The following GLIPR1L1 variants were observed in gnomAD, a reference collection of about 807,000 sequenced individuals.
GLIPR1L1 encodes the protein GLIPR1 like 1.
A neutral mutation model predicts 29.9 loss-of-function variants in GLIPR1L1; 26 were observed. That is an observed-to-expected ratio of 0.87 (90% CI 0.64 to 1.21). GLIPR1L1 has a LOEUF of 1.21. Among genes scored for constraint, GLIPR1L1 ranks in the 50% most tolerant of loss-of-function variants. The probability of loss-of-function intolerance (pLI) is 0.00; values close to 1 mark genes in which losing one functional copy is unlikely to be tolerated. For synonymous variants in GLIPR1L1, 77 were observed against 97.5 expected (o/e 0.79, Z 1.24); for missense variants, 305 against 290.3 (o/e 1.05, Z -0.37).
At chr12:75,369,422 A>C in intron 4 of GLIPR1L1, 1 of 627,930 alleles carries the variant, frequency 1.6e-6, no homozygotes, top group Non-Finnish European at 2.0e-6. Context: ...AGCTAGAATC[A>C]TGCTGAATAC....
At chr12:75,343,672 T>G in intron 1 of GLIPR1L1, 21 bp from the exon 2 acceptor site, 1 of 1,557,678 alleles carries the variant, frequency 6.4e-7, no homozygotes, top group Non-Finnish European at 8.7e-7. Flanking sequence ...CAATTCAATT[T>G]AAATTATTTT....
Position 75,343,934 on chromosome 12 carries a change from C to G in GLIPR1L1, c.416C>G (p.Thr139Arg), listed in dbSNP as rs914772843. Residue 139 changes from threonine (T) to arginine (R), a missense_variant, in exon 2 of 6, where the codon ACA becomes AGA. Thr to Arg is a moderately conservative substitution (Grantham distance 71, BLOSUM62 -1). Transcript: ENST00000378695. ...TGCTCCAGAGTCTGTGGCCATTATA[C>G]ACAGGTAAATATTTGACATCTTTAT... ...LSCSRVCGHY[T>R]QLVWANSFYV... 1.2e-6 allele frequency: 2 copies of G among 1,604,542 alleles called. No homozygotes were observed. Among genetic ancestry groups the G allele is most frequent in the African/African-American group, 2.7e-5 (2 of 74,632 alleles).
At chr12:75,361,741 T>G (rs561656259) in intron 3 of GLIPR1L1, among the ~76,000 whole-genome samples, 2 of 152,222 alleles carry the variant, frequency 1.3e-5, no homozygotes, top group African/African-American at 4.8e-5. Context: ...TCAGTAGAAC[T>G]CACTCACTAT....
At chr12:75,337,731 C>T (rs182633244) in intron 1 of GLIPR1L1, among the ~76,000 whole-genome samples, 147 of 151,958 alleles carry the variant, frequency 9.7e-4, no homozygotes, top group African/African-American at 3.1e-3. Context: ...TATTACATTC[C>T]GTACTATGTG....
intron 3 of GLIPR1L1, among the ~76,000 whole-genome samples, chr12:75,349,907 C>T (rs1246198022): frequency 6.6e-6 from 1 of 152,204 alleles, no homozygotes; most frequent in Non-Finnish European, 1.5e-5. Flanking sequence ...AGCTGCAATA[C>T]AACTTTTAGT....
chr12:75,337,998 C>T (rs991844558), intron 1 of GLIPR1L1, among the ~76,000 whole-genome samples: 8 of 151,876 alleles, frequency 5.3e-5, no homozygotes, highest in East Asian at 1.9e-4. Context: ...AAATTAAATA[C>T]GTAATTTAAA....
rs1013178539 is a variant in GLIPR1L1 at position 75,355,980 on chromosome 12, G to A, written c.522-7122G>A. On this transcript the variant is annotated intron_variant, in intron 3 of 5. Transcript: ENST00000378695. ...ACAACACACACTGGGGCCTGTTGGGGGTAGGGTGGGGAGAGGGAGAGCATC... is the reference window on the plus strand; with the variant it reads ...ACAACACACACTGGGGCCTGTTGGGAGTAGGGTGGGGAGAGGGAGAGCATC... Among the ~76,000 whole-genome samples the A allele has an allele frequency of 2.0e-5, 3 of 152,164 alleles. No individual in the cohort carries two copies. In the East Asian group the frequency reaches 5.8e-4, roughly 29 times the overall value.
At chr12:75,346,659 TTTAAG>T (rs2042469845) in intron 2 of GLIPR1L1, among the ~76,000 whole-genome samples, 1 of 152,160 alleles carries the variant, frequency 6.6e-6, no homozygotes, top group African/African-American at 2.4e-5. Flanking sequence ...AAATCTCGTT[TTTAAG>T]TTCTCAGTTC....
intron 1 of GLIPR1L1, among the ~76,000 whole-genome samples, chr12:75,337,218 G>A (rs1361333893): frequency 6.6e-6 from 1 of 151,558 alleles, no homozygotes. Flanking sequence ...TTTAAATTAA[G>A]CACAAGAAAA....
At chr12:75,347,563 T>C (rs2042536661) in intron 2 of GLIPR1L1, 59 bp from the exon 3 acceptor site, 2 of 1,020,050 alleles carry the variant, frequency 2.0e-6, no homozygotes, top group Non-Finnish European at 3.1e-6. Flanking sequence ...ATTCTCTAAA[T>C]GCATTGTTTG....
In GLIPR1L1 at chr12:75,370,381, T is replaced by G; in HGVS notation, c.*205T>G. Reference sequence around the variant, plus strand: ...AGAATAAAGTCTTAAGATTATTTTTTAATTACAAATCCATATGTGTATCAA... The same window carrying G: ...AGAATAAAGTCTTAAGATTATTTTTGAATTACAAATCCATATGTGTATCAA... On this transcript the variant is annotated 3_prime_UTR_variant, in exon 6 of 6. Coordinates refer to ENST00000378695, the MANE Select transcript of GLIPR1L1 (RefSeq NM_001304964.2). 2.4e-6 allele frequency: 1 copy of G among 423,084 alleles called. No homozygotes were observed. The highest frequency in any genetic ancestry group is 4.2e-6 in the Non-Finnish European group (1 of 235,696). 26.2% of individuals were successfully genotyped at this position (423,084 alleles called of 1,614,324 possible). A position where few individuals can be genotyped will look rare whatever the true frequency, so the allele number is the denominator to read the frequency against.
intron 2 of GLIPR1L1, among the ~76,000 whole-genome samples, chr12:75,346,531 C>T (rs966702403): frequency 2.2e-4 from 34 of 152,226 alleles, no homozygotes; most frequent in African/African-American, 7.9e-4. Context: ...GCTAGGATTA[C>T]AGGCACATGC....
chr12:75,362,365 A>C (rs1213616582), intron 3 of GLIPR1L1, among the ~76,000 whole-genome samples: 1 of 152,172 alleles, frequency 6.6e-6, no homozygotes, highest in Non-Finnish European at 1.5e-5. Flanking sequence ...TGCTGGGGAC[A>C]ATGTGAGGGC....
intron 4 of GLIPR1L1, among the ~76,000 whole-genome samples, chr12:75,364,555 A>G (rs2043836944): frequency 6.6e-6 from 1 of 152,234 alleles, no homozygotes; most frequent in South Asian, 2.1e-4. Flanking sequence ...ATAGACAGGC[A>G]TTCATTAACT....
chr12:75,353,005 G>A (rs11543412), intron 3 of GLIPR1L1, among the ~76,000 whole-genome samples: 25,650 of 152,024 alleles, frequency 0.17, 2,586 homozygotes, highest in South Asian at 0.38. Context: ...AGTATTAAGA[G>A]GGAAATTTAT....
chr12:75,353,405 T>C (rs1395482418), intron 3 of GLIPR1L1, among the ~76,000 whole-genome samples: 1 of 152,146 alleles, frequency 6.6e-6, no homozygotes, highest in African/African-American at 2.4e-5. Context: ...AAGAAATTGA[T>C]AAATTCCTGT....
At chr12:75,362,178 A>C (rs1195878222) in intron 3 of GLIPR1L1, among the ~76,000 whole-genome samples, 1 of 152,176 alleles carries the variant, frequency 6.6e-6, no homozygotes, top group Non-Finnish European at 1.5e-5. Context: ...TCACAACTCA[A>C]TATAAAGAAA....
chr12:75,361,011 G>A (rs1459390643), intron 3 of GLIPR1L1: 1 of 152,102 alleles, frequency 6.6e-6, no homozygotes, highest in Non-Finnish European at 1.5e-5. Flanking sequence ...AATTTCCAGT[G>A]TGCAGACACT....
chr12:75,346,150 CA>C (rs1370362771), intron 2 of GLIPR1L1, among the ~76,000 whole-genome samples: 4 of 152,074 alleles, frequency 2.6e-5, no homozygotes, highest in African/African-American at 9.7e-5. Flanking sequence ...CCAAAAGCCC[CA>C]AAAAGTCACA....
Sources: gnomAD v4.1 joint callset for allele counts (sites outside exome capture counted in the v4.1 genomes callset) on GRCh38, gnomAD v4.1.1 for gene constraint, MANE v1.5 for transcripts, NCBI Gene and HGNC (gene_info 2026-07-23, HGNC 2026-07-21) for gene names.